DCAF6: variants seen among roughly 807,000 people sequenced by gnomAD.
DCAF6 encodes the protein DDB1- and CUL4-associated factor 6.
In DCAF6, 54 loss-of-function variants were observed where a neutral mutation model predicts 125.1. The observed-to-expected ratio is 0.43, with a 90% CI of 0.35 to 0.54. The LOEUF (loss-of-function observed/expected upper bound fraction) is 0.54, where lower values mean the gene tolerates loss of function less well. Among genes scored for constraint, DCAF6 ranks in the 20% least tolerant of loss-of-function variants. The pLI is 0.01. For synonymous variants in DCAF6, 371 were observed against 390.4 expected (o/e 0.95, Z 0.58); for missense variants, 934 against 1,161.7 (o/e 0.80, Z 2.85).
At chr1:167,867,707 A>C in the DCAF6 span, among the ~76,000 whole-genome samples, 1 of 152,170 alleles carries the variant, frequency 6.6e-6, no homozygotes, top group South Asian at 2.1e-4. Context: ...CCAAGCATGT[A>C]ACACTAAAAT....
the DCAF6 span, among the ~76,000 whole-genome samples, chr1:167,878,959 G>C: frequency 1.3e-5 from 2 of 152,238 alleles, no homozygotes; most frequent in Non-Finnish European, 2.9e-5. Context: ...GAAGGTGTCA[G>C]TTGGTCTTCT....
the DCAF6 span, chr1:167,905,003 A>G: frequency 2.5e-6 from 4 of 1,614,200 alleles, no homozygotes; most frequent in Non-Finnish European, 3.4e-6. Context: ...CTGAAATATC[A>G]ACAAACATCA....
chr1:168,042,808 C>A, intron 13 of DCAF6: 1 of 419,472 alleles, frequency 2.4e-6, no homozygotes, highest in South Asian at 4.2e-5. Flanking sequence ...AAGAAGCAGT[C>A]CCTTTATATT....
At chr1:167,890,804 C>T in the DCAF6 span, among the ~76,000 whole-genome samples, 2 of 152,152 alleles carry the variant, frequency 1.3e-5, no homozygotes, top group Non-Finnish European at 2.9e-5. Context: ...TCCTACTCTA[C>T]GTTCAAACAA....
the DCAF6 span, among the ~76,000 whole-genome samples, chr1:167,898,686 C>T: frequency 6.6e-6 from 1 of 151,842 alleles, no homozygotes; most frequent in Non-Finnish European, 1.5e-5. Flanking sequence ...ATATGTCTTG[C>T]TGGAAGAGTG....
chr1:167,876,222 A>G, the DCAF6 span, among the ~76,000 whole-genome samples: 1 of 150,442 alleles, frequency 6.6e-6, no homozygotes, highest in Admixed American at 6.7e-5. Context: ...ACGCCATTGC[A>G]TTCCATCCTG....
chr1:168,045,204 G>C lies in DCAF6; in HGVS notation c.2235G>C (p.Arg745Ser). Residue 745 changes from arginine (R) to serine (S), a missense_variant, in exon 16 of 22, where the codon AGG (arginine) becomes AGC (serine). Transcript: ENST00000367840. Reference sequence around the variant, plus strand: ...ACCCAGTCCTGATCCCAGGTGCAAGGTATCGAGCAGGACCTGGTGATAGGT... The same window carrying C: ...ACCCAGTCCTGATCCCAGGTGCAAGCTATCGAGCAGGACCTGGTGATAGGT... ...DDDPVLIPGARYRAGPGDRFN... is the reference protein window; with the variant it reads ...DDDPVLIPGASYRAGPGDRFN... 1 of 1,612,292 alleles carries C rather than the reference G, an allele frequency of 6.2e-7. No homozygotes were observed. The highest frequency in any genetic ancestry group is 1.1e-5 in the South Asian group (1 of 90,754).
chr1:167,923,541 GAGA>G, the DCAF6 span, among the ~76,000 whole-genome samples: 1 of 152,124 alleles, frequency 6.6e-6, no homozygotes, highest in East Asian at 1.9e-4. Context: ...CAGGGACTGG[GAGA>G]AGGAGAATGG....
intron 11 of DCAF6, among the ~76,000 whole-genome samples, chr1:168,022,582 A>C (rs1309446241): frequency 6.6e-6 from 1 of 152,204 alleles, no homozygotes; most frequent in East Asian, 1.9e-4. Context: ...TATAGTGAGC[A>C]TTTCGTTTCA....
chr1:168,020,123 G>A (rs1034034810), intron 11 of DCAF6, among the ~76,000 whole-genome samples: 4 of 152,138 alleles, frequency 2.6e-5, no homozygotes, highest in African/African-American at 9.7e-5. Context: ...GGCAAGTAAT[G>A]ATAAACATTA....
chr1:168,006,174 T>C (rs1263915203), intron 10 of DCAF6, among the ~76,000 whole-genome samples: 4 of 152,174 alleles, frequency 2.6e-5, no homozygotes, highest in African/African-American at 9.6e-5. Flanking sequence ...TGGAACTTTA[T>C]TTTTTAAAGC....
chr1:167,896,667 TG>T, the DCAF6 span: 2 of 1,612,762 alleles, frequency 1.2e-6, no homozygotes, highest in Non-Finnish European at 1.7e-6. Context: ...AAATTAAAAT[TG>T]GGGGGTGGTT....
intron 12 of DCAF6, 136 bp downstream of exon 12, chr1:168,023,183 C>T (rs1685880311): frequency 1.2e-6 from 1 of 863,012 alleles, no homozygotes; most frequent in South Asian, 1.4e-5. Flanking sequence ...GACCAAATTA[C>T]AATAGGTGGT....
chr1:167,924,089 C>T, the DCAF6 span, among the ~76,000 whole-genome samples: 1 of 152,174 alleles, frequency 6.6e-6, no homozygotes, highest in African/African-American at 2.4e-5. Flanking sequence ...TCGAATAAAT[C>T]CATCTACTTT....
At chr1:168,002,752 A>G (rs1682818658) in intron 8 of DCAF6, among the ~76,000 whole-genome samples, 177 bp downstream of exon 8, 3 of 152,182 alleles carry the variant, frequency 2.0e-5, no homozygotes, top group African/African-American at 2.4e-5. Flanking sequence ...CAGTCACTGG[A>G]TAAGTACCTT....
chr1:167,946,662 T>C (rs765465592), intron 1 of DCAF6, among the ~76,000 whole-genome samples: 17 of 152,232 alleles, frequency 1.1e-4, no homozygotes, highest in Non-Finnish European at 2.4e-4. Flanking sequence ...GTTGATATGA[T>C]GTATCACATT....
chr1:167,999,406 C>T (rs749610316), intron 7 of DCAF6, among the ~76,000 whole-genome samples: 2 of 152,176 alleles, frequency 1.3e-5, no homozygotes, highest in African/African-American at 4.8e-5. Context: ...AACAAGAGAA[C>T]CAGCATGTCC....
chr1:167,936,106 G>A (rs987620113), upstream of DCAF6: 1 of 534,690 alleles, frequency 1.9e-6, no homozygotes, highest in African/African-American at 1.9e-5. Context: ...AGGAGCCATG[G>A]CAACAGGTGC....
the DCAF6 span, chr1:167,880,695 G>T: frequency 1.1e-6 from 1 of 940,532 alleles, no homozygotes; most frequent in Non-Finnish European, 1.7e-6. Flanking sequence ...AGAGCCGGCG[G>T]CAATTTTTGG....
Sources: allele counts gnomAD v4.1 joint callset (sites outside exome capture counted in the v4.1 genomes callset), GRCh38; gene constraint gnomAD v4.1.1; transcripts MANE v1.5; gene names NCBI Gene and HGNC (gene_info 2026-07-23, HGNC 2026-07-21).